The following PLAGL1 variants were observed in gnomAD, a reference collection of about 807,000 sequenced individuals.
PLAGL1 encodes PLAG1 like zinc finger 1, also known as zinc finger protein PLAGL1.
Under a neutral mutation model 4.6 loss-of-function variants are expected in PLAGL1, and 1 was observed. That is an observed-to-expected ratio of 0.22 (90% CI 0.08 to 1.03). The LOEUF (loss-of-function observed/expected upper bound fraction) is 1.03, where lower values mean the gene tolerates loss of function less well. Ranked by LOEUF, PLAGL1 falls within the 50% of genes least tolerant of loss-of-function variation. The probability of loss-of-function intolerance (pLI) is 0.58; values close to 1 mark genes in which losing one functional copy is unlikely to be tolerated. For missense variants in PLAGL1, 464 were observed against 570.4 expected (o/e 0.81, Z 1.90); for synonymous variants, 240 against 237.8 (o/e 1.01, Z -0.08).
At chr6:144,020,136 A>C (rs759647817) in intron 1 of PLAGL1, among the ~76,000 whole-genome samples, 76 of 152,120 alleles carry the variant, frequency 5.0e-4, no homozygotes, top group Admixed American at 9.8e-4. Flanking sequence ...AGGAAGCAAG[A>C]AGACCGCTGT....
chr6:144,006,944 CTG>C lies in PLAGL1; in HGVS notation c.-584+1144_-584+1145del, dbSNP rs1794336541. 2 of 152,138 alleles carry C rather than the reference CTG, an allele frequency of 1.3e-5. No homozygotes were observed. Among genetic ancestry groups the C allele is most frequent in the South Asian group, 2.1e-4 (1 of 4,826 alleles). 9.4% of individuals were successfully genotyped at this position (152,138 alleles called of 1,614,324 possible). The stretch of plus-strand genomic sequence containing the variant: ...GAGACACTGATGTTCTATTCTCCGT[CTG>C]TGTTTTACAAATTCTGATCATCCAT... On this transcript the variant is annotated intron_variant, in intron 1 of 7. Transcript: ENST00000674357. This position sits in a 1 kb window ranked among gnomAD's most constrained non-coding sequence, Gnocchi z 4.3.
chr6:143,966,390 T>G lies in PLAGL1; in HGVS notation c.-471-192A>C, dbSNP rs972111944. 1 of 152,112 alleles carries G rather than the reference T, an allele frequency of 6.6e-6. No homozygotes were observed. The highest frequency in any genetic ancestry group is 2.4e-5 in the African/African-American group (1 of 41,390). 9.4% of individuals were successfully genotyped at this position (152,112 alleles called of 1,614,324 possible). On this transcript the variant is annotated intron_variant, in intron 3 of 7. Coordinates refer to ENST00000674357, the MANE Select transcript of PLAGL1 (RefSeq NM_001317162.2). This position sits in a 1 kb window ranked among gnomAD's most constrained non-coding sequence, Gnocchi z 6.0. ...GCAAAACAAACAAAAAACCCAACTG[T>G]GCACACACACACACCAAAAAATAAG...
At chr6:144,020,274 C>CTTGTTTGTTTGT (rs111353071) in intron 1 of PLAGL1, among the ~76,000 whole-genome samples, 39 of 151,694 alleles carry the variant, frequency 2.6e-4, no homozygotes, top group African/African-American at 9.0e-4. Context: ...TGGACACTTC[C>CTTGTTTGTTTGT]TTGTTTGTTT....
upstream of PLAGL1, among the ~76,000 whole-genome samples, chr6:144,009,853 C>T (rs1292471727): frequency 1.3e-5 from 2 of 152,082 alleles, no homozygotes; most frequent in East Asian, 1.9e-4. Flanking sequence ...TGAACTCATC[C>T]TTTTTTATGG....
intron 1 of PLAGL1, among the ~76,000 whole-genome samples, chr6:143,996,393 T>C (rs964980170): frequency 3.2e-4 from 49 of 152,240 alleles, no homozygotes; most frequent in African/African-American, 1.2e-3. Context: ...ACAGAAAGTA[T>C]GGCAAAGACT....
intron 2 of PLAGL1, among the ~76,000 whole-genome samples, chr6:143,974,359 G>A (rs1338776262): frequency 6.6e-6 from 1 of 151,792 alleles, no homozygotes; most frequent in African/African-American, 2.4e-5. Context: ...CTTCCCACGT[G>A]CCCACAGGCA....
At chr6:144,035,471 C>T (rs541449394) in intron 1 of PLAGL1, among the ~76,000 whole-genome samples, 3 of 152,312 alleles carry the variant, frequency 2.0e-5, no homozygotes, top group African/African-American at 4.8e-5. Context: ...CCCATCTTCT[C>T]CTGCCTGCTT....
At position 143,958,397 on chromosome 6, in the gene PLAGL1, C is replaced by A. The variant is rs1350082664; in HGVS notation, c.-325+2072G>T. Reference sequence around the variant, plus strand: ...GCAGTTTTAAAGTAACGTGCAGTAACTTTTCAAGCTCGATGTAGAAATATC... The same window carrying A: ...GCAGTTTTAAAGTAACGTGCAGTAAATTTTCAAGCTCGATGTAGAAATATC... On this transcript the variant is annotated intron_variant, in intron 6 of 7. Coordinates refer to ENST00000674357, the MANE Select transcript of PLAGL1 (RefSeq NM_001317162.2). The surrounding 1 kb of genome is among the most constrained non-coding windows in gnomAD (Gnocchi z 5.1). Among the ~76,000 whole-genome samples the A allele has an allele frequency of 2.0e-5, 3 of 152,184 alleles. No individual in the cohort carries two copies. Among genetic ancestry groups the A allele is most frequent in the Admixed American group, 2.0e-4 (3 of 15,290 alleles).
rs1784407910 is a variant in PLAGL1 at position 143,966,304 on chromosome 6, A to C, written c.-471-106T>G. The stretch of plus-strand genomic sequence containing the variant: ...AAAGAAACTGAGAGAGCAGACATAC[A>C]GATTATCCTCCTGGATTTATCAGTT... On this transcript the variant is annotated intron_variant, in intron 3 of 7. Coordinates refer to ENST00000674357, the MANE Select transcript of PLAGL1 (RefSeq NM_001317162.2). This position sits in a 1 kb window ranked among gnomAD's most constrained non-coding sequence, Gnocchi z 6.0. 1 of 152,234 alleles carries C rather than the reference A, an allele frequency of 6.6e-6. No homozygotes were observed. Among genetic ancestry groups the C allele is most frequent in the South Asian group, 2.1e-4 (1 of 4,828 alleles). 9.4% of individuals were successfully genotyped at this position (152,234 alleles called of 1,614,324 possible).
At position 143,941,895 on chromosome 6, in the gene PLAGL1, A is replaced by G; in HGVS notation, c.921T>C (p.Ser307=). 6.2e-7 allele frequency: 1 copy of G among 1,613,928 alleles called. No homozygotes were observed. The highest frequency in any genetic ancestry group is 8.5e-7 in the Non-Finnish European group (1 of 1,179,996). The change falls in exon 8 of 8, where the codon TCT becomes TCC. Residue 307 remains serine (S), a synonymous_variant. Coordinates refer to ENST00000674357, the MANE Select transcript of PLAGL1 (RefSeq NM_001317162.2). This position sits in a 1 kb window ranked among gnomAD's most constrained non-coding sequence, Gnocchi z 6.0. ...GGCTTGCAAGTGGGGAGTATGAGGT[A>G]GAAGTGGTGTTGTACTTGTGATTGG... is the stretch of plus-strand genomic sequence containing the variant. ...PLPNHKYNTT[S]TSYSPLASLP...
rs950686300 is a variant in PLAGL1, at chr6:143,995,387, T to G, written c.-583-10213A>C. Among the ~76,000 whole-genome samples, 2 of 151,454 alleles carry G rather than the reference T, an allele frequency of 1.3e-5. No individual in the cohort carries two copies. The highest frequency in any genetic ancestry group is 4.8e-5 in the African/African-American group (2 of 41,390). ...TTTTGTTGTTATGGTTTTTTGGGGG[T>G]TTTTTTGCTTTGCTTTGGAAAGGGG... On this transcript the variant is annotated intron_variant, in intron 1 of 7. Transcript: ENST00000674357. The surrounding 1 kb of genome is among the most constrained non-coding windows in gnomAD (Gnocchi z 4.4).
At chr6:144,038,133 T>C (rs549705725) in intron 1 of PLAGL1, among the ~76,000 whole-genome samples, 3 of 152,366 alleles carry the variant, frequency 2.0e-5, no homozygotes, top group South Asian at 2.1e-4. Context: ...ACACATCTGA[T>C]GAAAGCGATA....
Position 144,022,815 on chromosome 6 carries a change from A to T in PLAGL1, c.-151+41653T>A, listed in dbSNP as rs905449780. ...CTTTATAAATTATGCAGTCTCAGGTATGTCTTTATTGCAGCATGAGAACAG... is the reference window on the plus strand; with the variant it reads ...CTTTATAAATTATGCAGTCTCAGGTTTGTCTTTATTGCAGCATGAGAACAG... On this transcript the variant is annotated intron_variant, in intron 1 of 3. Transcript: ENST00000437412. The surrounding 1 kb of genome is among the most constrained non-coding windows in gnomAD (Gnocchi z 4.2). Among the ~76,000 whole-genome samples, 1 of 152,204 alleles carries T rather than the reference A, an allele frequency of 6.6e-6. No individual in the cohort carries two copies. The highest frequency in any genetic ancestry group is 2.4e-5 in the African/African-American group (1 of 41,440).
rs928106285 is a variant in PLAGL1 at position 143,955,355 on chromosome 6, G to A, written c.-325+5114C>T. On this transcript the variant is annotated intron_variant, in intron 6 of 7. Transcript: ENST00000674357. This position sits in a 1 kb window ranked among gnomAD's most constrained non-coding sequence, Gnocchi z 4.9. Reference sequence around the variant, plus strand: ...TGTGGGCAAAGGAGAAAACAGGCTAGAGAGATGGAGAATCGTGAAGGGTCC... The same window carrying A: ...TGTGGGCAAAGGAGAAAACAGGCTAAAGAGATGGAGAATCGTGAAGGGTCC... Among the ~76,000 whole-genome samples, 1 of 152,206 alleles carries A rather than the reference G, an allele frequency of 6.6e-6. No individual in the cohort carries two copies. Among genetic ancestry groups the A allele is most frequent in the Non-Finnish European group, 1.5e-5 (1 of 68,034 alleles).
intron 2 of PLAGL1, among the ~76,000 whole-genome samples, chr6:143,981,826 A>G (rs909573465): frequency 2.6e-5 from 4 of 152,156 alleles, no homozygotes; most frequent in African/African-American, 4.8e-5. Context: ...ACCCAATTCT[A>G]TGATCAGTCA....
intron 1 of PLAGL1, among the ~76,000 whole-genome samples, chr6:144,058,985 T>C (rs1244268129): frequency 6.6e-6 from 1 of 152,182 alleles, no homozygotes; most frequent in African/African-American, 2.4e-5. Context: ...CACTAGGTAG[T>C]GCCCTGGGGG....
intron 6 of PLAGL1, among the ~76,000 whole-genome samples, chr6:143,956,036 G>A (rs556685091): frequency 4.6e-5 from 7 of 152,346 alleles, no homozygotes; most frequent in African/African-American, 1.7e-4. Flanking sequence ...GGGCCAGCAA[G>A]GAGACGTGAA....
At chr6:144,040,022 T>C (rs977952335) in intron 1 of PLAGL1, among the ~76,000 whole-genome samples, 1 of 151,866 alleles carries the variant, frequency 6.6e-6, no homozygotes. Context: ...ACTAAACATA[T>C]ACAAATGTCA....
chr6:144,019,418 G>T (rs1795811165), intron 1 of PLAGL1, among the ~76,000 whole-genome samples: 1 of 152,170 alleles, frequency 6.6e-6, no homozygotes, highest in Non-Finnish European at 1.5e-5. Flanking sequence ...GTTGCAATGA[G>T]CCGATATGGC....
Sources: gnomAD v4.1 joint callset for allele counts (sites outside exome capture counted in the v4.1 genomes callset) on GRCh38, gnomAD v4.1.1 for gene constraint, Gnocchi (gnomAD v3.1) non-coding constraint, MANE v1.5 for transcripts, NCBI Gene and HGNC (gene_info 2026-07-23, HGNC 2026-07-21) for gene names.